Variants in NFIB observed in about 807,000 individuals in gnomAD.
NFIB encodes the protein nuclear factor I B, also known as nuclear factor 1 B-type.
In NFIB, 11 loss-of-function variants were observed where a neutral mutation model predicts 61.5. The observed-to-expected ratio is 0.18, with a 90% CI of 0.11 to 0.30. The LOEUF (loss-of-function observed/expected upper bound fraction) is 0.30. Ranked by LOEUF, NFIB falls within the 10% of genes least tolerant of loss-of-function variation. NFIB has a pLI of 1.00. For missense variants in NFIB, 471 were observed against 608.9 expected, an observed-to-expected ratio of 0.77 and a Z score of 2.38; for synonymous variants, 260 against 216.5, an observed-to-expected ratio of 1.20 and a Z score of -1.76.
rs76349560 is a variant in NFIB, at chr9:14,395,915, G to A, written c.108+2609C>T. 1.1e-4 allele frequency among the ~76,000 whole-genome samples: 16 copies of A among 151,476 alleles called. No individual in the cohort carries two copies. The East Asian group carries it at 2.7e-3, about 26-fold the overall frequency. On this transcript the variant is annotated intron_variant, in intron 1 of 8. Transcript: ENST00000380934. ...TGGGGTGTGGGTGGGGGTGGGGATC[G>A]GGCCTTTGAAGCTGTTTTCTATCAG... is the stretch of plus-strand genomic sequence containing the variant.
At position 14,151,822 on chromosome 9, in the gene NFIB, G is replaced by T. The variant is rs190516301; in HGVS notation, c.686-1557C>A. ...AGCTCACACGAAATTGTACTCTGGGGCTTTGCAACAAAATTCTAGAGCCCC... is the reference window on the plus strand; with the variant it reads ...AGCTCACACGAAATTGTACTCTGGGTCTTTGCAACAAAATTCTAGAGCCCC... On this transcript the variant is annotated intron_variant, in intron 4 of 10. Coordinates refer to ENST00000380953, the MANE Select transcript of NFIB (RefSeq NM_001190737.2). Among the ~76,000 whole-genome samples the T allele has an allele frequency of 1.3e-3, 200 of 152,152 alleles. 1 individual carries two copies. The highest frequency in any genetic ancestry group is 4.5e-3 in the African/African-American group (188 of 41,528).
At chr9:14,502,512 C>T in the NFIB span, among the ~76,000 whole-genome samples, 1 of 152,156 alleles carries the variant, frequency 6.6e-6, no homozygotes, top group African/African-American at 2.4e-5. Context: ...GCTCAAACAT[C>T]ACTGGATTCC....
chr9:14,334,614 T>G (rs2060862908), intron 1 of NFIB, among the ~76,000 whole-genome samples: 1 of 152,206 alleles, frequency 6.6e-6, no homozygotes, highest in African/African-American at 2.4e-5. Context: ...TGCAGATTTC[T>G]CTTCCTACTT....
chr9:14,364,447 C>T (rs1185846248), intron 1 of NFIB, among the ~76,000 whole-genome samples: 1 of 152,144 alleles, frequency 6.6e-6, no homozygotes, highest in Non-Finnish European at 1.5e-5. Flanking sequence ...TAGCGTCTGG[C>T]TGGATTTATT....
At chr9:14,441,909 G>C in the NFIB span, among the ~76,000 whole-genome samples, 1 of 152,162 alleles carries the variant, frequency 6.6e-6, no homozygotes, top group African/African-American at 2.4e-5. Context: ...TATTACAAGG[G>C]CTTCTCTGCT....
chr9:14,520,213 G>C, the NFIB span, among the ~76,000 whole-genome samples: 1 of 152,098 alleles, frequency 6.6e-6, no homozygotes, highest in African/African-American at 2.4e-5. Context: ...TTTATCAAAA[G>C]GCCATTTCTT....
the NFIB span, among the ~76,000 whole-genome samples, chr9:14,486,059 G>A: frequency 2.6e-5 from 4 of 152,126 alleles, no homozygotes; most frequent in South Asian, 2.1e-4. Context: ...CATGGACCTC[G>A]GGTGTCAATA....
chr9:14,476,944 T>C, the NFIB span, among the ~76,000 whole-genome samples: 1 of 152,250 alleles, frequency 6.6e-6, no homozygotes, highest in African/African-American at 2.4e-5. Context: ...TTTGAGCTGA[T>C]AAAGACTAAA....
intron 2 of NFIB, among the ~76,000 whole-genome samples, chr9:14,240,938 C>G (rs1386932873): frequency 6.6e-6 from 1 of 152,212 alleles, no homozygotes; most frequent in Non-Finnish European, 1.5e-5. Flanking sequence ...CCAGGACCAA[C>G]TAAACTGTAT....
intron 2 of NFIB, among the ~76,000 whole-genome samples, chr9:14,265,149 A>G (rs1159069437): frequency 6.6e-6 from 1 of 152,176 alleles, no homozygotes. Context: ...GATTTGGAGA[A>G]AAGGTTGTAT....
intron 3 of NFIB, among the ~76,000 whole-genome samples, chr9:14,175,167 C>CTTTTTTTTTTTTTT (rs55765054): frequency 7.9e-6 from 1 of 126,040 alleles, no homozygotes; most frequent in African/African-American, 3.3e-5. Flanking sequence ...TAAAGAATTT[C>CTTTTTTTTTTTTTT]TTTTTTTTTT....
At chr9:14,347,304 T>A (rs1191674127) in intron 1 of NFIB, 1 of 152,280 alleles carries the variant, frequency 6.6e-6, no homozygotes, top group African/African-American at 2.4e-5. Context: ...CTCCGTCCCC[T>A]GCACAGTCAG....
At chr9:14,419,228 G>A in the NFIB span, among the ~76,000 whole-genome samples, 2 of 149,244 alleles carry the variant, frequency 1.3e-5, no homozygotes, top group Admixed American at 6.7e-5. Flanking sequence ...CTCAACATGG[G>A]CCCCTTGGAA....
At chr9:14,089,482 T>C (rs1301394495) in intron 10 of NFIB, among the ~76,000 whole-genome samples, 1 of 152,102 alleles carries the variant, frequency 6.6e-6, no homozygotes, top group South Asian at 2.1e-4. Flanking sequence ...GAAACAACTC[T>C]ACAGCACACA....
chr9:14,459,758 C>T, the NFIB span, among the ~76,000 whole-genome samples: 2 of 152,130 alleles, frequency 1.3e-5, no homozygotes, highest in Non-Finnish European at 1.5e-5. Flanking sequence ...CCAAAAGACA[C>T]ATGAAAAAAT....
intron 6 of NFIB, among the ~76,000 whole-genome samples, chr9:14,130,390 A>G (rs2040264290): frequency 6.6e-6 from 1 of 152,228 alleles, no homozygotes; most frequent in African/African-American, 2.4e-5. Context: ...CTAGAAAATG[A>G]GGCATTTCCA....
At chr9:14,123,674 A>G (rs1417824538) in intron 7 of NFIB, among the ~76,000 whole-genome samples, 1 of 152,174 alleles carries the variant, frequency 6.6e-6, no homozygotes, top group Admixed American at 6.5e-5. Flanking sequence ...GCACTGATAC[A>G]TGCTGTTGCC....
chr9:14,126,129 G>A (rs116491380), intron 6 of NFIB, among the ~76,000 whole-genome samples: 21 of 152,162 alleles, frequency 1.4e-4, no homozygotes, highest in African/African-American at 4.1e-4. Context: ...ATTGTCTTTC[G>A]ACAGAGGATA....
At chr9:14,479,498 C>T in the NFIB span, among the ~76,000 whole-genome samples, 1 of 152,278 alleles carries the variant, frequency 6.6e-6, no homozygotes, top group East Asian at 1.9e-4. Flanking sequence ...ATGCTAGAAG[C>T]TACAGCCTAC....
Sources: allele counts gnomAD v4.1 joint callset (sites outside exome capture counted in the v4.1 genomes callset), GRCh38; gene constraint gnomAD v4.1.1; transcripts MANE v1.5; gene names NCBI Gene and HGNC (gene_info 2026-07-23, HGNC 2026-07-21).